COG5: variants seen among roughly 807,000 people sequenced by gnomAD.
COG5 encodes conserved oligomeric Golgi complex subunit 5.
COG5 carries 86 observed loss-of-function variants against 110.4 expected under a neutral mutation model. The observed-to-expected ratio is 0.78, with a 90% CI of 0.65 to 0.93. The LOEUF (loss-of-function observed/expected upper bound fraction) is 0.93, where lower values mean the gene tolerates loss of function less well. Among genes scored for constraint, COG5 ranks in the 40% least tolerant of loss-of-function variants. The probability of loss-of-function intolerance (pLI) is 0.00; values close to 1 mark genes in which losing one functional copy is unlikely to be tolerated. For synonymous variants in COG5, 360 were observed against 334.6 expected (o/e 1.08, Z -0.83); for missense variants, 1,077 against 987.0 (o/e 1.09, Z -1.22).
intron 6 of COG5, among the ~76,000 whole-genome samples, chr7:107,516,065 T>C (rs1174295695): frequency 1.3e-5 from 2 of 151,768 alleles, no homozygotes; most frequent in African/African-American, 4.8e-5. Context: ...CTATGTGATA[T>C]AACTTAATCA....
intron 14 of COG5, among the ~76,000 whole-genome samples, chr7:107,269,178 T>C (rs1804042298): frequency 6.6e-6 from 1 of 152,136 alleles, no homozygotes; most frequent in African/African-American, 2.4e-5. Flanking sequence ...AAATTGTTAA[T>C]ATTATATTCA....
intron 6 of COG5, among the ~76,000 whole-genome samples, chr7:107,420,941 GTCT>G (rs1342819089): frequency 2.0e-5 from 3 of 152,114 alleles, no homozygotes; most frequent in Admixed American, 6.5e-5. Context: ...AGAATCAAAA[GTCT>G]TCTTTTTTGT....
At chr7:107,519,728 G>C (rs916108417) in intron 6 of COG5, among the ~76,000 whole-genome samples, 1 of 152,128 alleles carries the variant, frequency 6.6e-6, no homozygotes, top group African/African-American at 2.4e-5. Flanking sequence ...AAGAGGAGCT[G>C]GTACCACTCC....
intron 10 of COG5, among the ~76,000 whole-genome samples, chr7:107,334,385 A>G (rs1266702247): frequency 6.6e-6 from 1 of 152,060 alleles, no homozygotes. Flanking sequence ...TGAAGATTAT[A>G]AAAAAAACTT....
intron 19 of COG5, among the ~76,000 whole-genome samples, chr7:107,229,101 AC>A (rs756075027): frequency 2.6e-5 from 4 of 152,104 alleles, no homozygotes; most frequent in Non-Finnish European, 5.9e-5. Flanking sequence ...TGCTGTGGTC[AC>A]AAAATATTAT....
At position 107,521,092 on chromosome 7, in the gene COG5, T is replaced by C. The variant is rs568765167; in HGVS notation, c.538+6145A>G. On this transcript the variant is annotated intron_variant, in intron 6 of 21. Coordinates refer to ENST00000297135, the MANE Select transcript of COG5 (RefSeq NM_006348.5). ...GTGCTGGGAAAACTGGCTAGCCGTATGCAGAAAACTGAAACTGCACTCCTT... is the reference window on the plus strand; with the variant it reads ...GTGCTGGGAAAACTGGCTAGCCGTACGCAGAAAACTGAAACTGCACTCCTT... Among the ~76,000 whole-genome samples the C allele has an allele frequency of 2.6e-5, 4 of 152,352 alleles. 1 individual carries two copies. In the South Asian group the frequency reaches 8.3e-4, roughly 32 times the overall value.
rs1407084425 is a variant in COG5 at position 107,210,572 on chromosome 7, A to C, written c.2329T>G (p.Trp777Gly). 6.2e-7 allele frequency: 1 copy of C among 1,605,462 alleles called. No homozygotes were observed. Among genetic ancestry groups the C allele is most frequent in the Admixed American group, 1.7e-5 (1 of 58,784 alleles). Residue 777 changes from tryptophan (W) to glycine (G), a missense_variant, in exon 21 of 22, where the codon TGG (tryptophan) becomes GGG (glycine). Transcript: ENST00000297135. ...AEWSHTRFSQ[W>G]LDDHPSEKDR... ...TTTTCAGATGGATGGTCATCCAGCC[A>C]CTGAGAGAAGCGTGTGTGGGACCAC...
intron 6 of COG5, among the ~76,000 whole-genome samples, chr7:107,413,586 C>T (rs1792474131): frequency 6.6e-6 from 1 of 151,356 alleles, no homozygotes; most frequent in Non-Finnish European, 1.5e-5. Flanking sequence ...ACCCCAGCGA[C>T]TGCCCTTCAC....
At chr7:107,542,618 C>T (rs1802118731) in intron 5 of COG5, among the ~76,000 whole-genome samples, 1 of 152,094 alleles carries the variant, frequency 6.6e-6, no homozygotes, top group Non-Finnish European at 1.5e-5. Flanking sequence ...GGAAACAATC[C>T]AAATTCCATA....
chr7:107,558,187 A>C, intron 1 of COG5, 72 bp from the exon 2 acceptor site: 1 of 1,460,264 alleles, frequency 6.8e-7, no homozygotes. Flanking sequence ...CAACAGAACA[A>C]TTATAATCAT....
intron 11 of COG5, among the ~76,000 whole-genome samples, chr7:107,307,995 T>C (rs551081579): frequency 9.8e-4 from 149 of 152,296 alleles, no homozygotes; most frequent in Middle Eastern, 3.4e-3. Context: ...ATCTGCCTGA[T>C]TGAGTTAGGA....
intron 7 of COG5, among the ~76,000 whole-genome samples, chr7:107,410,719 G>A (rs951818772): frequency 1.3e-5 from 2 of 152,120 alleles, no homozygotes; most frequent in African/African-American, 4.8e-5. Context: ...TGGGATTACA[G>A]GTGTGAGCCA....
At chr7:107,378,457 G>A (rs935557491) in intron 7 of COG5, among the ~76,000 whole-genome samples, 3 of 152,084 alleles carry the variant, frequency 2.0e-5, no homozygotes, top group African/African-American at 7.2e-5. Context: ...TCAGAAGGTG[G>A]GTAATAACAA....
chr7:107,443,459 C>G (rs1794838764), intron 6 of COG5, among the ~76,000 whole-genome samples: 1 of 151,940 alleles, frequency 6.6e-6, no homozygotes, highest in Non-Finnish European at 1.5e-5. Flanking sequence ...GCACAACTCT[C>G]TGGATATACT....
intron 2 of COG5, 41 bp downstream of exon 2, chr7:107,557,935 T>C (rs571348539): frequency 6.2e-7 from 1 of 1,609,500 alleles, no homozygotes; most frequent in Non-Finnish European, 8.5e-7. Flanking sequence ...ATTATCACTT[T>C]AGGCTGAATA....
At chr7:107,308,414 T>A (rs1807915240) in intron 11 of COG5, among the ~76,000 whole-genome samples, 1 of 152,130 alleles carries the variant, frequency 6.6e-6, no homozygotes, top group Non-Finnish European at 1.5e-5. Context: ...TTTGATCAGA[T>A]TCCAGGTTTT....
At chr7:107,524,757 T>G (rs1800603438) in intron 6 of COG5, among the ~76,000 whole-genome samples, 1 of 152,170 alleles carries the variant, frequency 6.6e-6, no homozygotes, top group Admixed American at 6.5e-5. Context: ...ATTAACACAA[T>G]CCACTTTGAG....
At chr7:107,475,847 G>A (rs1029202985) in intron 6 of COG5, among the ~76,000 whole-genome samples, 1 of 151,300 alleles carries the variant, frequency 6.6e-6, no homozygotes, top group African/African-American at 2.4e-5. Context: ...TATGTTTCCT[G>A]GTATAGTGTA....
At chr7:107,469,558 G>T (rs751552094) in intron 6 of COG5, among the ~76,000 whole-genome samples, 1 of 152,100 alleles carries the variant, frequency 6.6e-6, no homozygotes, top group Non-Finnish European at 1.5e-5. Context: ...ACCTTGAGAT[G>T]CTCACAACAA....
Sources: gnomAD v4.1 joint callset for allele counts (sites outside exome capture counted in the v4.1 genomes callset) on GRCh38, gnomAD v4.1.1 for gene constraint, MANE v1.5 for transcripts, NCBI Gene and HGNC (gene_info 2026-07-23, HGNC 2026-07-21) for gene names.